CPQ: variants seen among roughly 807,000 people sequenced by gnomAD.
The protein encoded by CPQ is carboxypeptidase Q.
CPQ carries 37 observed loss-of-function variants against 45.7 expected under a neutral mutation model. The ratio of observed to expected loss-of-function variants is 0.81; its 90% CI spans 0.62 to 1.07. CPQ has a LOEUF of 1.07. CPQ is among the 50% of genes least tolerant of loss of function. The pLI, the probability that CPQ is intolerant of heterozygous loss-of-function variation, is 0.00. For missense variants in CPQ, 537 were observed against 572.9 expected (o/e 0.94, Z 0.64); for synonymous variants, 186 against 205.8 (o/e 0.90, Z 0.82).
chr8:97,057,443 A>C (rs1810472903), intron 6 of CPQ, among the ~76,000 whole-genome samples: 1 of 152,160 alleles, frequency 6.6e-6, no homozygotes, highest in African/African-American at 2.4e-5. Context: ...CTAGAAAAAA[A>C]TATTGCTTTT....
At chr8:97,073,593 G>A (rs1810794009) in intron 7 of CPQ, among the ~76,000 whole-genome samples, 1 of 152,136 alleles carries the variant, frequency 6.6e-6, no homozygotes, top group Non-Finnish European at 1.5e-5. Flanking sequence ...AATAGCCAGG[G>A]CAGTTTCATT....
intron 4 of CPQ, among the ~76,000 whole-genome samples, chr8:96,939,055 A>G (rs1813090349): frequency 1.3e-5 from 2 of 152,186 alleles, no homozygotes; most frequent in Non-Finnish European, 2.9e-5. Flanking sequence ...AAAATTATGT[A>G]TATGTAATAG....
intron 3 of CPQ, among the ~76,000 whole-genome samples, chr8:96,840,876 A>G (rs1811596473): frequency 1.3e-5 from 2 of 152,194 alleles, no homozygotes; most frequent in African/African-American, 4.8e-5. Context: ...TTAAGTTTCA[A>G]ATAACAATAA....
intron 1 of CPQ, among the ~76,000 whole-genome samples, chr8:96,760,200 A>T (rs1810381786): frequency 6.6e-6 from 1 of 152,210 alleles, no homozygotes. Context: ...TCTGGGGCAT[A>T]TTGCCAGAGG....
intron 2 of CPQ, among the ~76,000 whole-genome samples, chr8:96,798,050 CAA>C (rs796338469): frequency 2.2e-5 from 3 of 137,648 alleles, no homozygotes; most frequent in Non-Finnish European, 3.2e-5. Flanking sequence ...GACTCCATCT[CAA>C]AAAAAAAAAA....
Position 96,943,342 on chromosome 8 carries a change from T to C in CPQ, c.850-22593T>C, listed in dbSNP as rs145846568. On this transcript the variant is annotated intron_variant, in intron 4 of 7. Transcript: ENST00000220763. ...AGTTTGTTATAAAGATCCTATATAC[T>C]ATTTTCTCTGTATGTAATGGTGGGA... 9.3e-3 allele frequency among the ~76,000 whole-genome samples: 1,416 copies of C among 152,310 alleles called. 12 individuals carry two copies. The highest frequency in any genetic ancestry group is 0.078 in the Middle Eastern group (23 of 294).
intron 2 of CPQ, among the ~76,000 whole-genome samples, chr8:96,796,449 A>G (rs1810930406): frequency 6.6e-6 from 1 of 152,166 alleles, no homozygotes; most frequent in South Asian, 2.1e-4. Flanking sequence ...GTTTTAAAAG[A>G]TATTAAGATG....
intron 2 of CPQ, 135 bp downstream of exon 2, chr8:96,785,465 T>G (rs995589854): frequency 2.9e-6 from 2 of 697,696 alleles, no homozygotes; most frequent in Admixed American, 6.5e-5. Context: ...TTCTCTACCC[T>G]TTTTTGTCCT....
intron 6 of CPQ, among the ~76,000 whole-genome samples, chr8:97,049,883 G>C (rs1053529278): frequency 6.6e-6 from 1 of 152,206 alleles, no homozygotes; most frequent in Non-Finnish European, 1.5e-5. Flanking sequence ...CATGCTCCTT[G>C]TTTTGACAAG....
chr8:96,776,877 T>A (rs1437833990), intron 1 of CPQ, among the ~76,000 whole-genome samples: 1 of 152,136 alleles, frequency 6.6e-6, no homozygotes, highest in Non-Finnish European at 1.5e-5. Flanking sequence ...ACAGCATGGG[T>A]TTTTAAAAAA....
intron 7 of CPQ, among the ~76,000 whole-genome samples, chr8:97,109,632 G>A (rs1484565489): frequency 3.9e-5 from 6 of 151,926 alleles, no homozygotes; most frequent in African/African-American, 1.5e-4. Flanking sequence ...CTGCAAACAT[G>A]CTACACACAA....
At chr8:97,058,677 G>T (rs535847608) in intron 6 of CPQ, among the ~76,000 whole-genome samples, 1 of 152,242 alleles carries the variant, frequency 6.6e-6, no homozygotes, top group East Asian at 1.9e-4. Context: ...ACCCAGCTAT[G>T]TTGGCACTTT....
At chr8:97,111,536 C>T (rs942290235) in intron 7 of CPQ, among the ~76,000 whole-genome samples, 1 of 152,182 alleles carries the variant, frequency 6.6e-6, no homozygotes, top group Non-Finnish European at 1.5e-5. Context: ...GTCCCTTGTT[C>T]ACAACGAGCC....
At chr8:96,866,777 G>A (rs1051159457) in intron 3 of CPQ, among the ~76,000 whole-genome samples, 1 of 152,076 alleles carries the variant, frequency 6.6e-6, no homozygotes, top group African/African-American at 2.4e-5. Context: ...TGAAACTACA[G>A]CAACTACTTG....
intron 1 of CPQ, among the ~76,000 whole-genome samples, chr8:96,755,452 G>A (rs189889709): frequency 1.3e-5 from 2 of 151,742 alleles, no homozygotes; most frequent in East Asian, 3.9e-4. Flanking sequence ...ATAATTAGGA[G>A]GGTCAAATTA....
intron 1 of CPQ, among the ~76,000 whole-genome samples, chr8:96,771,529 A>G (rs1042433073): frequency 1.3e-5 from 2 of 152,108 alleles, no homozygotes; most frequent in Non-Finnish European, 2.9e-5. Context: ...AATAGATACT[A>G]GAAAACTCAT....
chr8:96,895,472 A>G (rs1194540728), intron 4 of CPQ, among the ~76,000 whole-genome samples: 2 of 152,216 alleles, frequency 1.3e-5, no homozygotes, highest in Non-Finnish European at 2.9e-5. Flanking sequence ...ATATCCTGCA[A>G]TTTACTTAAC....
chr8:96,839,680 T>G (rs1049948519), intron 3 of CPQ, among the ~76,000 whole-genome samples: 2 of 152,194 alleles, frequency 1.3e-5, no homozygotes, highest in African/African-American at 4.8e-5. Context: ...GAATTCCATG[T>G]GTTTTTTGTC....
intron 3 of CPQ, among the ~76,000 whole-genome samples, chr8:96,837,538 A>G (rs1333131718): frequency 6.6e-6 from 1 of 151,222 alleles, no homozygotes; most frequent in Non-Finnish European, 1.5e-5. Flanking sequence ...TCTCTTCTCT[A>G]TTCCTTCCCT....
Sources: allele counts gnomAD v4.1 joint callset (sites outside exome capture counted in the v4.1 genomes callset), GRCh38; gene constraint gnomAD v4.1.1; transcripts MANE v1.5; gene names NCBI Gene and HGNC (gene_info 2026-07-23, HGNC 2026-07-21).